RMST: variants seen among roughly 807,000 people sequenced by gnomAD.
RMST encodes long intergenic non-protein coding RNA 54.
At chr12:97,511,549 T>C (rs1448744300) in intron 10 of RMST, among the ~76,000 whole-genome samples, 1 of 152,166 alleles carries the variant, frequency 6.6e-6, no homozygotes, top group Non-Finnish European at 1.5e-5. Context: ...CTGCATAAGG[T>C]AGTGAAAGGA....
chr12:97,466,125 C>T (rs917082403), intron 5 of RMST, among the ~76,000 whole-genome samples: 3 of 152,062 alleles, frequency 2.0e-5, no homozygotes, highest in Admixed American at 6.6e-5. Flanking sequence ...TACGAAGTAC[C>T]AATTTTCTAA....
At chr12:97,494,901 C>T (rs1373976013) in intron 9 of RMST, 3 of 152,072 alleles carry the variant, frequency 2.0e-5, no homozygotes, top group South Asian at 4.1e-4. Context: ...TATCATGTCT[C>T]GTAAGATGTG....
chr12:97,554,127 T>A, intron 11 of RMST, among the ~76,000 whole-genome samples: 1 of 152,048 alleles, frequency 6.6e-6, no homozygotes, highest in African/African-American at 2.4e-5. Context: ...GCTAATTTTG[T>A]ATTTTGAGTA....
At chr12:97,543,063 C>A (rs766156174) in intron 11 of RMST, among the ~76,000 whole-genome samples, 3 of 151,932 alleles carry the variant, frequency 2.0e-5, no homozygotes, top group Admixed American at 6.6e-5. Flanking sequence ...GGAAATAAGA[C>A]CAGATGGATG....
intron 10 of RMST, among the ~76,000 whole-genome samples, chr12:97,512,689 A>G (rs58404711): frequency 0.13 from 19,715 of 152,258 alleles, 2,112 homozygotes; most frequent in African/African-American, 0.27. Context: ...GGGTCTCCAC[A>G]TCCCCACCAG....
intron 5 of RMST, among the ~76,000 whole-genome samples, chr12:97,477,590 T>A (rs963641670): frequency 2.0e-5 from 3 of 152,068 alleles, no homozygotes; most frequent in Non-Finnish European, 2.9e-5. Context: ...AGAAAAAAAT[T>A]AAAAACTGGT....
Position 97,470,676 on chromosome 12 carries a change from A to C in RMST, n.644+4949A>C, listed in dbSNP as rs530099214. On this transcript the variant is annotated intron_variant and non_coding_transcript_variant, in intron 5 of 13. Coordinates refer to ENST00000640149, the Ensembl canonical transcript of RMST. ...ATAGAATGGACTTTCTGGAGTTTCTAAGGGAAAGTGCAATTGTGTTGTGTT... is the reference window on the plus strand; with the variant it reads ...ATAGAATGGACTTTCTGGAGTTTCTCAGGGAAAGTGCAATTGTGTTGTGTT... 6.2e-4 allele frequency among the ~76,000 whole-genome samples: 95 copies of C among 152,140 alleles called. No homozygotes were observed. In the South Asian group the frequency reaches 8.7e-3, roughly 14 times the overall value.
chr12:97,479,664 A>G (rs1874993324), intron 5 of RMST, among the ~76,000 whole-genome samples: 1 of 151,970 alleles, frequency 6.6e-6, no homozygotes, highest in Non-Finnish European at 1.5e-5. Context: ...TCTTCTAATT[A>G]TGTCTTTTTG....
intron 11 of RMST, chr12:97,533,700 T>A (rs1881853544): frequency 6.6e-6 from 1 of 151,862 alleles, no homozygotes; most frequent in Non-Finnish European, 1.5e-5. Context: ...CACCACATAG[T>A]GAATGTGTCT....
At chr12:97,465,029 G>A (rs1004712382) in intron 4 of RMST, 2 of 152,162 alleles carry the variant, frequency 1.3e-5, no homozygotes, top group Admixed American at 6.5e-5. Context: ...CATTTCATTT[G>A]TGATTCGGAT....
chr12:97,472,223 A>T (rs973198679), intron 5 of RMST, among the ~76,000 whole-genome samples: 1 of 152,096 alleles, frequency 6.6e-6, no homozygotes, highest in Non-Finnish European at 1.5e-5. Context: ...TTTTAATTTT[A>T]AAAAATATTG....
intron 11 of RMST, among the ~76,000 whole-genome samples, chr12:97,541,971 A>C (rs1882574851): frequency 6.6e-6 from 1 of 151,918 alleles, no homozygotes; most frequent in Non-Finnish European, 1.5e-5. Context: ...CTATATGCTT[A>C]TTGCAACAAT....
At chr12:97,494,264 G>C (rs1408503546) in intron 8 of RMST, among the ~76,000 whole-genome samples, 2 of 152,180 alleles carry the variant, frequency 1.3e-5, no homozygotes, top group African/African-American at 4.8e-5. Flanking sequence ...TAATGAATTT[G>C]AGCAGAGTAG....
At chr12:97,525,346 C>T (rs936580758) in intron 10 of RMST, among the ~76,000 whole-genome samples, 1 of 152,132 alleles carries the variant, frequency 6.6e-6, no homozygotes, top group Non-Finnish European at 1.5e-5. Context: ...GCTGTGTGTA[C>T]TGCTGATCAA....
chr12:97,469,172 GTGTGTGTGTA>G (rs1309675635), intron 5 of RMST, among the ~76,000 whole-genome samples: 27 of 145,672 alleles, frequency 1.9e-4, no homozygotes, highest in South Asian at 4.2e-4. Context: ...GTGTGTGTGT[GTGTGTGTGTA>G]TGTGTGTATA....
At position 97,514,309 on chromosome 12, in the gene RMST, C is replaced by T. The variant is rs182922894; in HGVS notation, n.1341-16346C>T. ...TTTAAGGTTTCCTAGAATTTTGCAA[C>T]TCTATAATTATCTCTGTACCTGGAA... On this transcript the variant is annotated intron_variant and non_coding_transcript_variant, in intron 10 of 13. Coordinates refer to ENST00000640149, the Ensembl canonical transcript of RMST. Among the ~76,000 whole-genome samples, 5 of 152,272 alleles carry T rather than the reference C, an allele frequency of 3.3e-5. No homozygotes were observed. The East Asian group carries it at 9.6e-4, about 29-fold the overall frequency.
intron 10 of RMST, among the ~76,000 whole-genome samples, chr12:97,504,439 A>T (rs1353856896): frequency 6.6e-6 from 1 of 151,368 alleles, no homozygotes; most frequent in African/African-American, 2.4e-5. Context: ...GCACAGATGC[A>T]CAAACTTTAA....
At chr12:97,503,994 C>A (rs1878386367) in intron 10 of RMST, among the ~76,000 whole-genome samples, 1 of 152,166 alleles carries the variant, frequency 6.6e-6, no homozygotes, top group African/African-American at 2.4e-5. Context: ...GGTCCCATCT[C>A]AACTCAGTGC....
At chr12:97,491,801 T>C (rs992937909) in intron 5 of RMST, 1 of 418,758 alleles carries the variant, frequency 2.4e-6, no homozygotes. Context: ...AACAATCGTG[T>C]CATGGCTTTT....
Sources: gnomAD v4.1 joint callset for allele counts (sites outside exome capture counted in the v4.1 genomes callset) on GRCh38, gnomAD v4.1.1 for gene constraint, MANE v1.5 for transcripts, NCBI Gene and HGNC (gene_info 2026-07-23, HGNC 2026-07-21) for gene names.